The following SORL1 variants were observed in gnomAD, a reference collection of about 807,000 sequenced individuals.
SORL1 encodes the protein sortilin related receptor 1.
SORL1 carries 127 observed loss-of-function variants against 273.7 expected under a neutral mutation model. That is an observed-to-expected ratio of 0.46 (90% confidence interval 0.40 to 0.54). The LOEUF is 0.54. SORL1 is among the 20% of genes least tolerant of loss of function. The pLI is 0.00. For missense variants in SORL1, 2,494 were observed against 2,846.1 expected (o/e 0.88, Z 2.81); for synonymous variants, 1,031 against 1,067.4 (o/e 0.97, Z 0.66).
intron 22 of SORL1, among the ~76,000 whole-genome samples, chr11:121,568,504 AT>A (rs541017006): frequency 1.3e-5 from 2 of 151,956 alleles, no homozygotes; most frequent in Non-Finnish European, 2.9e-5. Flanking sequence ...CAAACTATAC[AT>A]TTTTTTTCTG....
chr11:121,575,665 A>T (rs1262939229), intron 24 of SORL1, among the ~76,000 whole-genome samples: 1 of 152,214 alleles, frequency 6.6e-6, no homozygotes, highest in Admixed American at 6.5e-5. Flanking sequence ...GAAGGTTTTT[A>T]AAAAATTCCC....
At chr11:121,479,054 C>T (rs1272150376) in intron 3 of SORL1, among the ~76,000 whole-genome samples, 1 of 152,082 alleles carries the variant, frequency 6.6e-6, no homozygotes, top group Non-Finnish European at 1.5e-5. Context: ...AACCCTCTGT[C>T]CCCCGGCCTC....
At chr11:121,585,981 C>T (rs1863099346) in intron 26 of SORL1, among the ~76,000 whole-genome samples, 1 of 152,266 alleles carries the variant, frequency 6.6e-6, no homozygotes, top group African/African-American at 2.4e-5. Context: ...AACCCTTGTA[C>T]TTATATTAAG....
intron 11 of SORL1, among the ~76,000 whole-genome samples, chr11:121,530,248 C>T (rs371478374): frequency 1.5e-4 from 23 of 152,334 alleles, no homozygotes; most frequent in African/African-American, 5.1e-4. Context: ...GCTTGCTCTT[C>T]GTTCTGGAAA....
At chr11:121,577,582 A>G (rs1370107923) in intron 25 of SORL1, among the ~76,000 whole-genome samples, 182 bp downstream of exon 25, 1 of 152,246 alleles carries the variant, frequency 6.6e-6, no homozygotes, top group Non-Finnish European at 1.5e-5. Flanking sequence ...CAGAATGTAA[A>G]TCAACACCCT....
chr11:121,546,463 G>T (rs888879388), intron 14 of SORL1, among the ~76,000 whole-genome samples: 1 of 152,108 alleles, frequency 6.6e-6, no homozygotes, highest in African/African-American at 2.4e-5. Context: ...AATCATTGTA[G>T]TTTAGTCAGG....
intron 40 of SORL1, 86 bp downstream of exon 40, chr11:121,612,918 G>A: frequency 1.1e-6 from 1 of 927,246 alleles, no homozygotes; most frequent in Non-Finnish European, 1.7e-6. Flanking sequence ...GACTGGGGGT[G>A]CCAGGGAAGG....
chr11:121,581,546 TA>T (rs35311489), intron 25 of SORL1, among the ~76,000 whole-genome samples: 10,856 of 149,954 alleles, frequency 0.072, 412 homozygotes, highest in Middle Eastern at 0.1. Context: ...TCCTTGTAAT[TA>T]AAAAAAAAAT....
chr11:121,535,916 A>G (rs570591887), intron 12 of SORL1, among the ~76,000 whole-genome samples: 1 of 152,304 alleles, frequency 6.6e-6, no homozygotes, highest in South Asian at 2.1e-4. Flanking sequence ...TTATTCGTTC[A>G]TTCAGCCCGC....
chr11:121,504,209 C>T (rs1011211653), intron 6 of SORL1, among the ~76,000 whole-genome samples: 12 of 152,160 alleles, frequency 7.9e-5, no homozygotes, highest in East Asian at 1.9e-4. Context: ...GCCAGGAGTT[C>T]GAGACCAGCC....
At chr11:121,589,762 T>C (rs1215408547) in intron 29 of SORL1, among the ~76,000 whole-genome samples, 2 of 152,230 alleles carry the variant, frequency 1.3e-5, no homozygotes, top group Non-Finnish European at 2.9e-5. Context: ...GTTTTATTCC[T>C]TTGGTAAAAT....
Position 121,612,844 on chromosome 11 carries a change from G to A in SORL1, c.5419+12G>A, listed in dbSNP as rs199862296. On this transcript the variant is annotated intron_variant, in intron 40 of 47. Transcript: ENST00000260197. ...ATTGTCACACAAAGGTAACACTTTG[G>A]TGCTGGTCAGTGTGTGTGCAGGAAG... 2 of 1,581,552 alleles carry A rather than the reference G, an allele frequency of 1.3e-6. No individual in the cohort carries two copies. Among genetic ancestry groups the A allele is most frequent in the Admixed American group, 1.7e-5 (1 of 59,854 alleles).
At position 121,588,104 on chromosome 11, in the gene SORL1, T is replaced by C; in HGVS notation, c.3899T>C (p.Ile1300Thr). ...LFHSMVCDGI[I>T]QCRDGSDEDA... is the part of the protein sequence containing the mutation. ...CACTCCATGGTCTGTGACGGAATCA[T>C]CCAGTGCCGCGACGGGTCCGATGAG... The change falls in exon 28 of 48, where the codon ATC becomes ACC. Residue 1300 changes from isoleucine to threonine, a missense_variant. By Grantham distance (89) the Ile-to-Thr change is moderately conservative (BLOSUM62 -1). Around this residue, in one of 3 missense-constraint regions of SORL1, gnomAD observed 1,609 missense variants for 1,816.4 expected, o/e 0.89. Transcript: ENST00000260197. 1.2e-6 allele frequency: 2 copies of C among 1,613,724 alleles called. No individual in the cohort carries two copies. Among genetic ancestry groups the C allele is most frequent in the East Asian group, 2.2e-5 (1 of 44,870 alleles).
rs992408903 is a variant in SORL1 at position 121,567,178 on chromosome 11, A to C, written c.3223+65A>C. 4.4e-6 allele frequency: 6 copies of C among 1,376,044 alleles called. No individual in the cohort carries two copies. The African/African-American group carries it at 8.6e-5, about 20-fold the overall frequency. The allele number at this position is 1,376,044 out of a possible 1,614,324, so 85.2% of individuals were successfully genotyped here. On this transcript the variant is annotated intron_variant, in intron 22 of 47. Transcript: ENST00000260197. ...TTTGTTTCCTGCTCCCCGCCAGGGG[A>C]GGGAGGGATAGCTCTCTGTTTCCTA...
Position 121,496,855 on chromosome 11 carries a change from T to C in SORL1, c.759-14T>C, listed in dbSNP as rs2134823218. The stretch of plus-strand genomic sequence containing the variant: ...TGTGCAAATGATAACAACCTTTTTT[T>C]TTTTTTCTGCCAGGGGAATTGATCC... On this transcript the variant is annotated splice_polypyrimidine_tract_variant and intron_variant, in intron 5 of 47. Transcript: ENST00000260197. 6.3e-7 allele frequency: 1 copy of C among 1,574,886 alleles called. No homozygotes were observed. Among genetic ancestry groups the C allele is most frequent in the African/African-American group, 1.4e-5 (1 of 72,550 alleles).
At chr11:121,473,358 A>G (rs553865107) in intron 2 of SORL1, among the ~76,000 whole-genome samples, 3 of 152,330 alleles carry the variant, frequency 2.0e-5, no homozygotes, top group East Asian at 3.9e-4. Flanking sequence ...GAAAAAATGA[A>G]TCATTTATCC....
intron 21 of SORL1, among the ~76,000 whole-genome samples, chr11:121,564,853 G>A (rs1044437878): frequency 2.0e-5 from 3 of 152,094 alleles, no homozygotes; most frequent in African/African-American, 7.2e-5. Flanking sequence ...GATTACAGAT[G>A]TGAGCCACTG....
At position 121,605,471 on chromosome 11, in the gene SORL1, C is replaced by A; in HGVS notation, c.4848C>A (p.Val1616=). 1 of 1,614,096 alleles carries A rather than the reference C, an allele frequency of 6.2e-7. No homozygotes were observed. Among genetic ancestry groups the A allele is most frequent in the Non-Finnish European group, 8.5e-7 (1 of 1,179,984 alleles). ...ATAAGACAAACACTGTATTAAAAGT[C>A]TTGAAACCAGATACCACGTATCAGG... ...HSNKTNTVLK[V]LKPDTTYQVK... Residue 1616 remains valine, a synonymous_variant, in exon 35 of 48, where the codon GTC becomes GTA. Transcript: ENST00000260197.
intron 29 of SORL1, 82 bp from the exon 30 acceptor site, chr11:121,589,958 C>G: frequency 6.5e-7 from 1 of 1,535,872 alleles, no homozygotes; most frequent in Non-Finnish European, 8.9e-7. Flanking sequence ...GAACTTGGGT[C>G]TGGAGGAGGA....
Sources: gnomAD v4.1 joint callset for allele counts (sites outside exome capture counted in the v4.1 genomes callset) on GRCh38, gnomAD v4.1.1 for gene constraint, gnomAD v4.1.1 regional missense constraint, MANE v1.5 for transcripts, NCBI Gene and HGNC (gene_info 2026-07-23, HGNC 2026-07-21) for gene names.